ZDHHC2: variants seen among roughly 807,000 people sequenced by gnomAD.
The protein encoded by ZDHHC2 is zDHHC palmitoyltransferase 2.
ZDHHC2 carries 51 observed loss-of-function variants against 55.6 expected under a neutral mutation model. That is an observed-to-expected ratio of 0.92 (90% CI 0.73 to 1.16). The LOEUF is 1.16. ZDHHC2 is among the 50% of genes most tolerant of loss of function. ZDHHC2 has a pLI of 0.00. For missense variants in ZDHHC2, 491 were observed against 442.4 expected (o/e 1.11, Z -0.99); for synonymous variants, 199 against 152.9 (o/e 1.30, Z -2.22).
chr8:17,189,951 AC>A (rs1307222107), intron 3 of ZDHHC2, among the ~76,000 whole-genome samples: 1 of 152,206 alleles, frequency 6.6e-6, no homozygotes, highest in African/African-American at 2.4e-5. Context: ...CTAAGGTTCA[AC>A]CAAAAGTCCT....
At chr8:17,179,170 T>C (rs1805306965) in intron 1 of ZDHHC2, among the ~76,000 whole-genome samples, 1 of 152,126 alleles carries the variant, frequency 6.6e-6, no homozygotes, top group South Asian at 2.1e-4. Flanking sequence ...CGGGCCAATC[T>C]CAAACTCCTG....
At chr8:17,191,402 C>T (rs1012108676) in intron 3 of ZDHHC2, among the ~76,000 whole-genome samples, 1 of 152,210 alleles carries the variant, frequency 6.6e-6, no homozygotes, top group Non-Finnish European at 1.5e-5. Context: ...CAGCCTTATT[C>T]ATTCTTTCTA....
intron 4 of ZDHHC2, among the ~76,000 whole-genome samples, chr8:17,197,301 T>C (rs913588734): frequency 6.6e-6 from 1 of 152,168 alleles, no homozygotes; most frequent in African/African-American, 2.4e-5. Flanking sequence ...ATGGACATAT[T>C]TGTACCCTTT....
chr8:17,209,085 C>G lies in ZDHHC2; in HGVS notation c.731-847C>G, dbSNP rs538336112. ...TTACATTTTGTATTTCAGCATGATT[C>G]AAGAAGAAAATGTAGTATTTTTGAA... On this transcript the variant is annotated intron_variant, in intron 8 of 12. Coordinates refer to ENST00000262096, the MANE Select transcript of ZDHHC2 (RefSeq NM_016353.5). 5.3e-5 allele frequency among the ~76,000 whole-genome samples: 8 copies of G among 152,086 alleles called. No homozygotes were observed. In the East Asian group the frequency reaches 1.2e-3, roughly 22 times the overall value.
intron 1 of ZDHHC2, among the ~76,000 whole-genome samples, chr8:17,167,391 T>G (rs1804655566): frequency 6.7e-6 from 1 of 149,436 alleles, no homozygotes; most frequent in African/African-American, 2.5e-5. Context: ...CTGCAACCTC[T>G]GCCTCCCGAG....
Position 17,217,280 on chromosome 8 carries a change from T to C in ZDHHC2, c.*34+34T>C. On this transcript the variant is annotated intron_variant, in intron 12 of 12. Transcript: ENST00000262096. ...ATTTTCCCTTTATTGTTTTATATTTTTAACAGTCTTCTAATTTTATTAGGG... is the reference window on the plus strand; with the variant it reads ...ATTTTCCCTTTATTGTTTTATATTTCTAACAGTCTTCTAATTTTATTAGGG... The C allele has an allele frequency of 3.4e-6, 5 of 1,450,768 alleles. No homozygotes were observed. The South Asian group carries it at 6.3e-5, about 18-fold the overall frequency. The allele number at this position is 1,450,768 out of a possible 1,614,324, so 89.9% of individuals were successfully genotyped here.
At position 17,195,637 on chromosome 8, in the gene ZDHHC2, A is replaced by T. The variant is rs766635551; in HGVS notation, c.373+13A>T. 16 of 1,613,602 alleles carry T rather than the reference A, an allele frequency of 9.9e-6. No homozygotes were observed. The South Asian group carries it at 1.3e-4, about 13-fold the overall frequency. ...ACCATGTCTGGAGGTAAATGTTGAT[A>T]ATGAGTGCTTTGCAATGGTATGCAA... On this transcript the variant is annotated intron_variant, in intron 4 of 12. Coordinates refer to ENST00000262096, the MANE Select transcript of ZDHHC2 (RefSeq NM_016353.5).
rs1585753115 is a variant in ZDHHC2 at position 17,220,921 on chromosome 8, G to A, written c.*700G>A. ...GGCTGGAATACTTTTGTCAGAATAC[G>A]GTACATTTCTATTACATCAGAAATA... is the stretch of plus-strand genomic sequence containing the variant. On this transcript the variant is annotated 3_prime_UTR_variant, in exon 13 of 13. Coordinates refer to ENST00000262096, the MANE Select transcript of ZDHHC2 (RefSeq NM_016353.5). 1.3e-5 allele frequency: 2 copies of A among 152,142 alleles called. No homozygotes were observed. Among genetic ancestry groups the A allele is most frequent in the Admixed American group, 6.5e-5 (1 of 15,290 alleles). 9.4% of individuals were successfully genotyped at this position (152,142 alleles called of 1,614,324 possible).
chr8:17,156,817 TG>T lies in ZDHHC2; in HGVS notation c.96del (p.Trp32CysfsTer12). ...PVVFITLLLG[W>X]SYYAYAIQLC... Reference sequence around the variant, plus strand: ...GGTGTTCATCACCCTCCTGCTCGGCTGGTCCTACTACGCCTACGCCATCCAG... The same window carrying T: ...GGTGTTCATCACCCTCCTGCTCGGCTGTCCTACTACGCCTACGCCATCCAG... On this transcript the variant is annotated frameshift_variant, in exon 1 of 13. Transcript: ENST00000262096. LOFTEE classifies it high-confidence loss of function. 6.6e-7 allele frequency: 1 copy of T among 1,521,322 alleles called. No individual in the cohort carries two copies. The highest frequency in any genetic ancestry group is 8.8e-7 in the Non-Finnish European group (1 of 1,133,054). The allele number at this position is 1,521,322 out of a possible 1,614,324, so 94.2% of individuals were successfully genotyped here.
intron 3 of ZDHHC2, among the ~76,000 whole-genome samples, chr8:17,194,249 G>T (rs987641181): frequency 5.3e-5 from 8 of 151,480 alleles, no homozygotes; most frequent in African/African-American, 1.9e-4. Context: ...TGTCTTTATA[G>T]TAGATTCTTT....
intron 1 of ZDHHC2, among the ~76,000 whole-genome samples, chr8:17,173,534 T>A (rs1224392500): frequency 6.6e-6 from 1 of 150,590 alleles, no homozygotes; most frequent in Non-Finnish European, 1.5e-5. Flanking sequence ...AAATTATAAA[T>A]TAGGAGGGCA....
chr8:17,221,364 C>T lies in ZDHHC2; in HGVS notation c.*1143C>T, dbSNP rs1279854474. 6.6e-6 allele frequency: 1 copy of T among 152,436 alleles called. No homozygotes were observed. The highest frequency in any genetic ancestry group is 2.4e-5 in the African/African-American group (1 of 41,428). The allele number at this position is 152,436 out of a possible 1,614,324, so 9.4% of individuals were successfully genotyped here. On this transcript the variant is annotated 3_prime_UTR_variant, in exon 13 of 13. Coordinates refer to ENST00000262096, the MANE Select transcript of ZDHHC2 (RefSeq NM_016353.5). ...GTTCAGCTTCAGTAAATATAATAAG[C>T]TCTTGTGCCTTGTATGCACTATTTA...
chr8:17,161,111 A>G (rs1332345806), intron 1 of ZDHHC2, among the ~76,000 whole-genome samples: 3 of 152,202 alleles, frequency 2.0e-5, no homozygotes, highest in Non-Finnish European at 4.4e-5. Context: ...AACATCCCTA[A>G]GAACAAAATA....
At chr8:17,209,750 T>C (rs570449312) in intron 8 of ZDHHC2, among the ~76,000 whole-genome samples, 182 bp from the exon 9 acceptor site, 10 of 152,202 alleles carry the variant, frequency 6.6e-5, no homozygotes, top group Non-Finnish European at 8.8e-5. Context: ...GTATATCTTA[T>C]GATATTTTAA....
chr8:17,215,088 CTTA>C (rs1257465051), intron 10 of ZDHHC2, 146 bp from the exon 11 acceptor site: 7 of 642,562 alleles, frequency 1.1e-5, no homozygotes, highest in Non-Finnish European at 5.4e-6. Flanking sequence ...TATTTAATGT[CTTA>C]TTCTTGTATT....
At chr8:17,177,491 A>T (rs1805201579) in intron 1 of ZDHHC2, among the ~76,000 whole-genome samples, 1 of 152,234 alleles carries the variant, frequency 6.6e-6, no homozygotes, top group African/African-American at 2.4e-5. Flanking sequence ...ACTTCTGTGA[A>T]TTAACTGAAA....
chr8:17,187,992 A>G (rs899127490), intron 3 of ZDHHC2, among the ~76,000 whole-genome samples: 1 of 152,178 alleles, frequency 6.6e-6, no homozygotes, highest in African/African-American at 2.4e-5. Flanking sequence ...GGTCTTCATC[A>G]TCTCCCTTGT....
intron 1 of ZDHHC2, among the ~76,000 whole-genome samples, chr8:17,165,091 A>T (rs1804538166): frequency 6.6e-6 from 1 of 152,210 alleles, no homozygotes; most frequent in Non-Finnish European, 1.5e-5. Flanking sequence ...TTTGGTAGGA[A>T]AGACAGTCCA....
At chr8:17,184,964 A>C (rs1414725314) in intron 2 of ZDHHC2, 149 bp downstream of exon 2, 1 of 699,852 alleles carries the variant, frequency 1.4e-6, no homozygotes, top group Non-Finnish European at 2.3e-6. Flanking sequence ...TTAAGTTTGC[A>C]GATTGAATTC....
Sources: allele counts gnomAD v4.1 joint callset (sites outside exome capture counted in the v4.1 genomes callset), GRCh38; gene constraint gnomAD v4.1.1; transcripts MANE v1.5; gene names NCBI Gene and HGNC (gene_info 2026-07-23, HGNC 2026-07-21).